The following LSS variants were observed in gnomAD, a reference collection of about 807,000 sequenced individuals.
LSS encodes the protein 2,3-epoxysqualene-lanosterol cyclase.
In LSS, 90 loss-of-function variants were observed where a neutral mutation model predicts 110.3. The ratio of observed to expected loss-of-function variants is 0.82; its 90% CI spans 0.69 to 0.97. LSS has a LOEUF of 0.97. Among genes scored for constraint, LSS ranks in the 50% least tolerant of loss-of-function variants. The probability of loss-of-function intolerance (pLI) is 0.00; values close to 1 mark genes in which losing one functional copy is unlikely to be tolerated. For synonymous variants in LSS, 433 were observed against 400.0 expected (o/e 1.08, Z -0.98); for missense variants, 927 against 990.0 (o/e 0.94, Z 0.85).
chr21:46,205,668 T>C (rs559074097), intron 17 of LSS, among the ~76,000 whole-genome samples, 168 bp downstream of exon 17: 10 of 152,370 alleles, frequency 6.6e-5, no homozygotes, highest in Admixed American at 5.9e-4. Flanking sequence ...AGATATTTTG[T>C]ATGCTTTAGG....
intron 10 of LSS, among the ~76,000 whole-genome samples, chr21:46,213,360 T>C (rs2080158515): frequency 6.6e-6 from 1 of 152,218 alleles, no homozygotes; most frequent in Non-Finnish European, 1.5e-5. Flanking sequence ...GGAAGAGGCC[T>C]GTACAGCGGA....
chr21:46,209,118 G>C lies in LSS; in HGVS notation c.1266+436C>G, dbSNP rs548136457. 1.3e-5 allele frequency among the ~76,000 whole-genome samples: 2 copies of C among 152,318 alleles called. No homozygotes were observed. Among genetic ancestry groups the C allele is most frequent in the Admixed American group, 6.5e-5 (1 of 15,310 alleles). ...TGGGCTCGGGCAGGGTCTGTGGGCAGCTGATCTGGCAGGAGGGACCGGGGC... is the reference window on the plus strand; with the variant it reads ...TGGGCTCGGGCAGGGTCTGTGGGCACCTGATCTGGCAGGAGGGACCGGGGC... On this transcript the variant is annotated intron_variant, in intron 13 of 21. Coordinates refer to ENST00000397728, the MANE Select transcript of LSS (RefSeq NM_002340.6). The surrounding 1 kb of genome is among the most constrained non-coding windows in gnomAD (Gnocchi z 4.4).
At chr21:46,219,628 C>G in intron 5 of LSS, 56 bp from the exon 6 acceptor site, 1 of 1,117,092 alleles carries the variant, frequency 9.0e-7, no homozygotes, top group Middle Eastern at 2.0e-4. Flanking sequence ...AAAGTCTGCA[C>G]TGCCTCTAGC....
chr21:46,188,548 G>C lies in LSS; in HGVS notation c.*2556C>G. The C allele has an allele frequency of 2.2e-6, 1 of 449,118 alleles. No individual in the cohort carries two copies. The allele number at this position is 449,118 out of a possible 1,614,324, so 27.8% of individuals were successfully genotyped here. A position where few individuals can be genotyped will look rare whatever the true frequency, so the allele number is the denominator to read the frequency against. On this transcript the variant is annotated 3_prime_UTR_variant, in exon 22 of 22. Coordinates refer to ENST00000397728, the MANE Select transcript of LSS (RefSeq NM_002340.6). ...TCCTCTTGGTGGTGTCCTTTGTCAA[G>C]AGCATGTCAGGGTGATGAGTCATCT...
chr21:46,227,079 A>C (rs554898603), intron 3 of LSS, among the ~76,000 whole-genome samples: 9 of 152,350 alleles, frequency 5.9e-5, no homozygotes, highest in African/African-American at 1.7e-4. Flanking sequence ...TTGTGTAGCC[A>C]AATCAGTTCA....
chr21:46,210,673 G>T lies in LSS; in HGVS notation c.1194+15C>A, dbSNP rs548001980. On this transcript the variant is annotated intron_variant, in intron 12 of 21. Transcript: ENST00000397728. The stretch of plus-strand genomic sequence containing the variant: ...AAGGTCAGCTGAGGCTGAGAAAAGA[G>T]AAGGAGCCACGAACCTCAAGCAGAG... 2.5e-6 allele frequency: 4 copies of T among 1,612,062 alleles called. No homozygotes were observed. Among genetic ancestry groups the T allele is most frequent in the Admixed American group, 1.7e-5 (1 of 59,970 alleles).
Position 46,190,034 on chromosome 21 carries a change from G to A in LSS, c.*1070C>T, listed in dbSNP as rs571368251. 5.4e-4 allele frequency: 155 copies of A among 288,678 alleles called. 2 individuals carry two copies. Among genetic ancestry groups the A allele is most frequent in the Middle Eastern group, 3.8e-3 (3 of 780 alleles). The allele number at this position is 288,678 out of a possible 1,614,324, so 17.9% of individuals were successfully genotyped here. A position where few individuals can be genotyped will look rare whatever the true frequency, so the allele number is the denominator to read the frequency against. The stretch of plus-strand genomic sequence containing the variant: ...GGCCCAAAACCTGGCCCTCGCTCCA[G>A]CCCAGAGCACCCACCTGGGCATGAG... On this transcript the variant is annotated 3_prime_UTR_variant, in exon 22 of 22. Transcript: ENST00000397728. This position sits in a 1 kb window ranked among gnomAD's most constrained non-coding sequence, Gnocchi z 4.6.
intron 19 of LSS, among the ~76,000 whole-genome samples, chr21:46,195,109 C>A (rs559621213): frequency 1.3e-5 from 2 of 152,164 alleles, no homozygotes; most frequent in South Asian, 4.1e-4. Context: ...CCTTCTAACC[C>A]GCTCCAGCGA....
At chr21:46,192,615 G>A (rs1394242348) in intron 20 of LSS, 7 of 372,514 alleles carry the variant, frequency 1.9e-5, no homozygotes, top group Non-Finnish European at 3.3e-5. Flanking sequence ...GCACAGATGC[G>A]ATACTGCGGG....
rs1967584112 is a variant in LSS, at chr21:46,209,317, A to G, written c.1266+237T>C. Among the ~76,000 whole-genome samples the G allele has an allele frequency of 6.6e-6, 1 of 151,620 alleles. No individual in the cohort carries two copies. The highest frequency in any genetic ancestry group is 6.6e-5 in the Admixed American group (1 of 15,248). On this transcript the variant is annotated intron_variant, in intron 13 of 21. Transcript: ENST00000397728. This position sits in a 1 kb window ranked among gnomAD's most constrained non-coding sequence, Gnocchi z 4.4. ...GCTCCAACATGAGCAGGACGCAGAA[A>G]CTGCCAGCACCCCCAGCACCCTGCA...
chr21:46,224,297 C>T (rs1481710439), intron 3 of LSS, among the ~76,000 whole-genome samples: 1 of 152,246 alleles, frequency 6.6e-6, no homozygotes, highest in Non-Finnish European at 1.5e-5. Flanking sequence ...ACTCTTTACC[C>T]TGCCCCTTTT....
intron 17 of LSS, among the ~76,000 whole-genome samples, chr21:46,205,291 GCAGGAGA>G (rs1213998913): frequency 1.8e-5 from 1 of 56,334 alleles, no homozygotes; most frequent in East Asian, 4.1e-4. Flanking sequence ...CTAACCGCGA[GCAGGAGA>G]GCAGGAGAGC....
Position 46,216,271 on chromosome 21 carries a change from G to T in LSS, c.783+118C>A. The stretch of plus-strand genomic sequence containing the variant: ...GAAGGTGGAGGCTCTGCTCCACAGG[G>T]CTCTCCGCTCCACAGGGCCACCAGG... On this transcript the variant is annotated intron_variant, in intron 7 of 21. Coordinates refer to ENST00000397728, the MANE Select transcript of LSS (RefSeq NM_002340.6). The surrounding 1 kb of genome is among the most constrained non-coding windows in gnomAD (Gnocchi z 4.2). 1.6e-6 allele frequency: 2 copies of T among 1,285,566 alleles called. No individual in the cohort carries two copies. The highest frequency in any genetic ancestry group is 2.2e-6 in the Non-Finnish European group (2 of 901,204). The allele number at this position is 1,285,566 out of a possible 1,614,324, so 79.6% of individuals were successfully genotyped here. A position where few individuals can be genotyped will look rare whatever the true frequency, so the allele number is the denominator to read the frequency against.
chr21:46,205,715 G>T, intron 17 of LSS, 121 bp downstream of exon 17: 1 of 698,166 alleles, frequency 1.4e-6, no homozygotes, highest in Non-Finnish European at 2.4e-6. Flanking sequence ...GAAGCCTCTT[G>T]CATGTTTCCA....
chr21:46,228,527 G>A lies in LSS; in HGVS notation c.87C>T (p.Cys29=). 1 of 1,600,394 alleles carries A rather than the reference G, an allele frequency of 6.2e-7. No homozygotes were observed. The change falls in exon 2 of 22, where the codon TGC becomes TGT. Residue 29 remains cysteine (C), a synonymous_variant. Coordinates refer to ENST00000397728, the MANE Select transcript of LSS (RefSeq NM_002340.6). ...AGGTCCACGTCTGCCGGCCCCTCTC[G>A]CAGTTGAGTCGCCAGCGGCCGAGGT... ...ATDLGRWRLN[C]ERGRQTWTYL...
Position 46,206,696 on chromosome 21 carries a change from G to T in LSS, c.1540C>A (p.Leu514Met). The T allele has an allele frequency of 6.2e-7, 1 of 1,612,940 alleles. No individual in the cohort carries two copies. ...CCGAAGACCTCCGAGGGGTTCAGCA[G>T]CTCCAGCAAGTGCCCCCCACGCTTG... ...ETKRGGHLLE[L>M]LNPSEVFGDI... Residue 514 changes from leucine (L) to methionine (M), a missense_variant, in exon 16 of 22, where the codon CTG (leucine) becomes ATG (methionine). Transcript: ENST00000397728.
intron 6 of LSS, among the ~76,000 whole-genome samples, chr21:46,218,398 CG>C (rs1471946683): frequency 2.6e-5 from 4 of 152,070 alleles, no homozygotes; most frequent in African/African-American, 7.2e-5. Context: ...CCAAGGCAGG[CG>C]GATCACCTGA....
intron 17 of LSS, 140 bp downstream of exon 17, chr21:46,205,696 A>G: frequency 1.6e-6 from 1 of 637,728 alleles, no homozygotes; most frequent in Non-Finnish European, 2.7e-6. Flanking sequence ...ACTGGATTCC[A>G]CAACATCCGA....
chr21:46,197,878 C>G (rs1194451075), intron 17 of LSS, among the ~76,000 whole-genome samples: 1 of 150,242 alleles, frequency 6.7e-6, no homozygotes, highest in African/African-American at 2.4e-5. Flanking sequence ...GACAGAGACT[C>G]TGTCTCAAAA....
Sources: allele counts gnomAD v4.1 joint callset (sites outside exome capture counted in the v4.1 genomes callset), GRCh38; gene constraint gnomAD v4.1.1; non-coding constraint Gnocchi (gnomAD v3.1); transcripts MANE v1.5; gene names NCBI Gene and HGNC (gene_info 2026-07-23, HGNC 2026-07-21).